The following STARD9 variants were observed in gnomAD, a reference collection of about 807,000 sequenced individuals.
STARD9 encodes stAR-related lipid transfer protein 9.
Under a neutral mutation model 399.8 loss-of-function variants are expected in STARD9, and 346 were observed. The observed-to-expected ratio is 0.87, with a 90% CI of 0.79 to 0.95. The LOEUF (loss-of-function observed/expected upper bound fraction) is 0.95, where lower values mean the gene tolerates loss of function less well. STARD9 is among the 40% of genes least tolerant of loss of function. The pLI is 0.00. For synonymous variants in STARD9, 2,203 were observed against 2,143.5 expected (o/e 1.03, Z -0.77); for missense variants, 5,832 against 5,667.5 (o/e 1.03, Z -0.93).
intron 26 of STARD9, among the ~76,000 whole-genome samples, chr15:42,710,043 T>G (rs2061176485): frequency 6.6e-6 from 1 of 151,748 alleles, no homozygotes; most frequent in Admixed American, 6.6e-5. Flanking sequence ...TTGTGTCCTT[T>G]TGACATGCCC....
chr15:42,692,330 T>C lies in STARD9; in HGVS notation c.10752T>C (p.His3584=), dbSNP rs1346043139. Residue 3584 remains histidine (H), a synonymous_variant, in exon 23 of 33, where the codon CAT becomes CAC. Coordinates refer to ENST00000290607, the MANE Select transcript of STARD9 (RefSeq NM_020759.3). ...AAGGAGTAGCCCCCACTTCGGGTCATGACAGAAGGCCTCAGTTCAGGGGCC... is the reference window on the plus strand; with the variant it reads ...AAGGAGTAGCCCCCACTTCGGGTCACGACAGAAGGCCTCAGTTCAGGGGCC... ...SPEGVAPTSG[H]DRRPQFRGPS... 3.3e-6 allele frequency: 5 copies of C among 1,536,920 alleles called. No homozygotes were observed. The African/African-American group carries it at 4.1e-5, about 13-fold the overall frequency.
chr15:42,620,358 G>T (rs889662146), intron 3 of STARD9, among the ~76,000 whole-genome samples: 1 of 151,388 alleles, frequency 6.6e-6, no homozygotes, highest in Non-Finnish European at 1.5e-5. Context: ...GCTCGCACCT[G>T]TATTCCCAGC....
chr15:42,593,477 G>T (rs949188579), intron 3 of STARD9, among the ~76,000 whole-genome samples: 1 of 151,978 alleles, frequency 6.6e-6, no homozygotes, highest in Non-Finnish European at 1.5e-5. Flanking sequence ...GGAAAGAATT[G>T]CTCCTATTCT....
intron 1 of STARD9, among the ~76,000 whole-genome samples, chr15:42,578,866 G>C (rs1188322247): frequency 6.6e-6 from 1 of 152,160 alleles, no homozygotes; most frequent in Non-Finnish European, 1.5e-5. Context: ...ACAAAGTTCT[G>C]CAGACATCCT....
intron 3 of STARD9, among the ~76,000 whole-genome samples, chr15:42,601,121 T>C (rs1055932837): frequency 1.7e-4 from 26 of 152,282 alleles, no homozygotes; most frequent in South Asian, 4.1e-4. Flanking sequence ...CATCTTGCAC[T>C]GCCCTTAATC....
intron 4 of STARD9, among the ~76,000 whole-genome samples, chr15:42,635,880 A>G (rs572896661): frequency 9.2e-5 from 14 of 152,328 alleles, no homozygotes; most frequent in African/African-American, 3.1e-4. Flanking sequence ...AAGCAGGAGA[A>G]CTAGCTCCTG....
At chr15:42,578,063 T>A (rs1178725119) in intron 1 of STARD9, among the ~76,000 whole-genome samples, 1 of 152,132 alleles carries the variant, frequency 6.6e-6, no homozygotes, top group East Asian at 1.9e-4. Context: ...TGCATTTGTG[T>A]CTCAAGTGCC....
intron 20 of STARD9, among the ~76,000 whole-genome samples, chr15:42,676,815 C>T (rs184718494): frequency 6.6e-6 from 1 of 152,112 alleles, no homozygotes; most frequent in South Asian, 2.1e-4. Flanking sequence ...ACCTTGAGCA[C>T]AGGGTCTCAG....
chr15:42,649,358 G>C (rs890034267), intron 7 of STARD9, among the ~76,000 whole-genome samples: 2 of 152,198 alleles, frequency 1.3e-5, no homozygotes, highest in South Asian at 2.1e-4. Flanking sequence ...TTGTCTCTCT[G>C]TGCTAAATTT....
intron 3 of STARD9, among the ~76,000 whole-genome samples, chr15:42,597,441 C>G (rs921340766): frequency 6.6e-6 from 1 of 152,092 alleles, no homozygotes; most frequent in Non-Finnish European, 1.5e-5. Flanking sequence ...GGTCTCAGCT[C>G]ACTGCAACCT....
Position 42,674,506 on chromosome 15 carries a change from A to G in STARD9, c.1549+15A>G. The G allele has an allele frequency of 6.5e-7, 1 of 1,536,306 alleles. No homozygotes were observed. The highest frequency in any genetic ancestry group is 8.7e-7 in the Non-Finnish European group (1 of 1,146,048). Reference sequence around the variant, plus strand: ...ACAGGACATTGGTAAGTGGCAGAGTATATGAGTCCAGCATTTTGGGGCTAG... The same window carrying G: ...ACAGGACATTGGTAAGTGGCAGAGTGTATGAGTCCAGCATTTTGGGGCTAG... On this transcript the variant is annotated intron_variant, in intron 17 of 32. Transcript: ENST00000290607.
At chr15:42,675,634 A>T (rs1442813955) in intron 18 of STARD9, 30 bp from the exon 19 acceptor site, 18 of 1,510,572 alleles carry the variant, frequency 1.2e-5, no homozygotes, top group Non-Finnish European at 1.6e-5. Context: ...TGAGCTGTTG[A>T]TTGAATTCTC....
Position 42,691,481 on chromosome 15 carries a change from CCACAGGGGCT to C in STARD9, c.9907_9916del (p.Arg3303PhefsTer3). On this transcript the variant is annotated frameshift_variant, in exon 23 of 33. Coordinates refer to ENST00000290607, the MANE Select transcript of STARD9 (RefSeq NM_020759.3). LOFTEE classifies it high-confidence loss of function. ...CTGGCAGAGAGCAGCCAGCACCCAA[CCACAGGGGCT>C]CACTTCCTGTGACTACAATCTTCTC... 1 of 1,537,244 alleles carries C rather than the reference CCACAGGGGCT, an allele frequency of 6.5e-7. No individual in the cohort carries two copies. The highest frequency in any genetic ancestry group is 8.7e-7 in the Non-Finnish European group (1 of 1,146,902).
At chr15:42,632,584 G>A (rs2059351724) in intron 3 of STARD9, among the ~76,000 whole-genome samples, 1 of 151,678 alleles carries the variant, frequency 6.6e-6, no homozygotes, top group Non-Finnish European at 1.5e-5. Context: ...TTTATTTTTT[G>A]TGTATCTTTT....
At chr15:42,659,103 A>C (rs189531502) in intron 9 of STARD9, among the ~76,000 whole-genome samples, 439 of 152,210 alleles carry the variant, frequency 2.9e-3, no homozygotes, top group Middle Eastern at 6.8e-3. Context: ...ACACAGCAAG[A>C]CTCCCTCGAA....
intron 3 of STARD9, among the ~76,000 whole-genome samples, chr15:42,599,024 A>G (rs1274245272): frequency 6.6e-6 from 1 of 152,032 alleles, no homozygotes; most frequent in African/African-American, 2.4e-5. Context: ...CCCAGGTTCA[A>G]ATGATTCTCC....
intron 3 of STARD9, among the ~76,000 whole-genome samples, chr15:42,611,878 C>T (rs558292726): frequency 2.0e-5 from 3 of 152,292 alleles, no homozygotes; most frequent in South Asian, 4.1e-4. Context: ...CAGAATTCAA[C>T]AGTAACTATA....
At chr15:42,703,358 G>T (rs993743276) in intron 26 of STARD9, among the ~76,000 whole-genome samples, 131 of 128,874 alleles carry the variant, frequency 1.0e-3, no homozygotes, top group African/African-American at 5.1e-3. Context: ...TGTTTTTTTT[G>T]TTTTGTTTGT....
chr15:42,635,995 AG>A (rs1566892278), intron 4 of STARD9, among the ~76,000 whole-genome samples: 2 of 152,164 alleles, frequency 1.3e-5, no homozygotes, highest in Admixed American at 6.5e-5. Context: ...TTTTGGGTTT[AG>A]AAATATCCTG....
Sources: allele counts gnomAD v4.1 joint callset (sites outside exome capture counted in the v4.1 genomes callset), GRCh38; gene constraint gnomAD v4.1.1; transcripts MANE v1.5; gene names NCBI Gene and HGNC (gene_info 2026-07-23, HGNC 2026-07-21).